Variants in SMCHD1 observed in about 807,000 individuals in gnomAD.
The protein encoded by SMCHD1 is structural maintenance of chromosomes flexible hinge domain-containing protein 1.
In SMCHD1, 78 loss-of-function variants were observed where a neutral mutation model predicts 254.7. The ratio of observed to expected loss-of-function variants is 0.31; its 90% CI spans 0.26 to 0.37. The LOEUF (loss-of-function observed/expected upper bound fraction) is 0.37. Ranked by LOEUF, SMCHD1 falls within the 10% of genes least tolerant of loss-of-function variation. The pLI is 1.00. For synonymous variants in SMCHD1, 766 were observed against 794.9 expected, an observed-to-expected ratio of 0.96 and a Z score of 0.61; for missense variants, 1,840 against 2,408.1, an observed-to-expected ratio of 0.76 and a Z score of 4.94.
At chr18:2,725,515 A>G (rs1270674343) in intron 21 of SMCHD1, among the ~76,000 whole-genome samples, 1 of 151,966 alleles carries the variant, frequency 6.6e-6, no homozygotes, top group East Asian at 1.9e-4. Context: ...GAAGCTAAAG[A>G]TAGAAACTCT....
intron 34 of SMCHD1, among the ~76,000 whole-genome samples, chr18:2,756,064 G>C (rs977436074): frequency 6.6e-6 from 1 of 152,016 alleles, no homozygotes; most frequent in African/African-American, 2.4e-5. Context: ...ATTATAAATT[G>C]ACTTCAGATT....
Position 2,724,918 on chromosome 18 carries a change from GA to G in SMCHD1, c.2625del (p.Glu876LysfsTer2). The G allele has an allele frequency of 6.3e-7, 1 of 1,582,788 alleles. No individual in the cohort carries two copies. The highest frequency in any genetic ancestry group is 8.6e-7 in the Non-Finnish European group (1 of 1,160,738). ...CCCCAGTGGTTTATCTTTACATTAT[GA>G]AGAAATAACCAAAGGACCAAATTGT... ...LEASGLSLHY[E>X]EITKGPNCVI... is the part of the protein sequence containing the mutation. On this transcript the variant is annotated frameshift_variant, in exon 21 of 48. Coordinates refer to ENST00000320876, the MANE Select transcript of SMCHD1 (RefSeq NM_015295.3). LOFTEE classifies it high-confidence loss of function.
At chr18:2,775,073 T>A (rs1048123799) in intron 41 of SMCHD1, among the ~76,000 whole-genome samples, 65 of 64,884 alleles carry the variant, frequency 1.0e-3, no homozygotes, top group African/African-American at 6.3e-3. Context: ...GAACAATTTT[T>A]TTTTTTTTTT....
chr18:2,764,884 C>T (rs767947564), intron 37 of SMCHD1, among the ~76,000 whole-genome samples: 2 of 152,106 alleles, frequency 1.3e-5, no homozygotes, highest in African/African-American at 2.4e-5. Flanking sequence ...TAAGAAATTA[C>T]TAGAAGCAGA....
intron 28 of SMCHD1, among the ~76,000 whole-genome samples, chr18:2,743,185 T>G (rs1165075164): frequency 6.6e-6 from 1 of 152,192 alleles, no homozygotes; most frequent in African/African-American, 2.4e-5. Context: ...CTCATTAATA[T>G]GATGTGTTAC....
At chr18:2,794,191 A>T (rs1267816566) in intron 45 of SMCHD1, among the ~76,000 whole-genome samples, 2 of 152,072 alleles carry the variant, frequency 1.3e-5, no homozygotes, top group Non-Finnish European at 2.9e-5. Flanking sequence ...CAGTGGGCTC[A>T]CTCCTGTAAT....
intron 25 of SMCHD1, among the ~76,000 whole-genome samples, chr18:2,734,796 G>A (rs553074512): frequency 5.9e-5 from 9 of 152,086 alleles, no homozygotes; most frequent in East Asian, 5.8e-4. Flanking sequence ...CGGGCCAGGC[G>A]TGGTGGCTCA....
At chr18:2,673,257 C>A in intron 3 of SMCHD1, 24 bp from the exon 4 acceptor site, 1 of 1,565,412 alleles carries the variant, frequency 6.4e-7, no homozygotes. Flanking sequence ...AAAAGTTAAG[C>A]AATGTTTTCT....
At chr18:2,760,280 A>T (rs2075763126) in intron 34 of SMCHD1, 1 of 165,692 alleles carries the variant, frequency 6.0e-6, no homozygotes, top group African/African-American at 2.4e-5. Context: ...GATCAGCAGG[A>T]TGTTCTATAA....
At chr18:2,743,185 T>C (rs1165075164) in intron 28 of SMCHD1, among the ~76,000 whole-genome samples, 2 of 152,192 alleles carry the variant, frequency 1.3e-5, no homozygotes, top group African/African-American at 4.8e-5. Context: ...CTCATTAATA[T>C]GATGTGTTAC....
rs1266130891 is a variant in SMCHD1, at chr18:2,738,381, T to C, written c.3277-16T>C. ...GACGAAGCTTTATTATTGTTAAATA[T>C]CTCTTTTTCTCCTAGGTTAATTGGA... On this transcript the variant is annotated splice_polypyrimidine_tract_variant and intron_variant, in intron 25 of 47. Coordinates refer to ENST00000320876, the MANE Select transcript of SMCHD1 (RefSeq NM_015295.3). 6.4e-7 allele frequency: 1 copy of C among 1,562,526 alleles called. No individual in the cohort carries two copies. The highest frequency in any genetic ancestry group is 8.7e-7 in the Non-Finnish European group (1 of 1,154,254).
In SMCHD1 at chr18:2,789,758, A is replaced by G. The variant is rs530779359; in HGVS notation, c.5719+5137A>G. 6.6e-5 allele frequency among the ~76,000 whole-genome samples: 10 copies of G among 152,340 alleles called. 1 individual carries two copies. The East Asian group carries it at 1.9e-3, about 29-fold the overall frequency. ...TTTATTGGGACATAACTTCATCGTAAGTTGAGGAGCATCTGTATTATTTCA... is the reference window on the plus strand; with the variant it reads ...TTTATTGGGACATAACTTCATCGTAGGTTGAGGAGCATCTGTATTATTTCA... On this transcript the variant is annotated intron_variant, in intron 45 of 47. Transcript: ENST00000320876.
In SMCHD1 at chr18:2,727,462, C is replaced by T. The variant is rs2075047421; in HGVS notation, c.2773+938C>T. ...GAAAAAAATCATACGTATCAACAAA[C>T]ATTCATTTATTTGAGAGATTAGATT... On this transcript the variant is annotated intron_variant, in intron 22 of 47. Transcript: ENST00000320876. 2.6e-5 allele frequency among the ~76,000 whole-genome samples: 4 copies of T among 152,136 alleles called. 1 individual carries two copies. In the South Asian group the frequency reaches 8.3e-4, roughly 32 times the overall value.
intron 44 of SMCHD1, among the ~76,000 whole-genome samples, chr18:2,780,238 TAAAAAAAAAA>T (rs56804553): frequency 2.9e-3 from 201 of 69,364 alleles, no homozygotes; most frequent in African/African-American, 0.014. Flanking sequence ...AGACTCTATC[TAAAAAAAAAA>T]AAAAAAAAAA....
chr18:2,655,969 C>A lies in SMCHD1; in HGVS notation c.-107C>A. 1.1e-6 allele frequency: 1 copy of A among 916,920 alleles called. No homozygotes were observed. The highest frequency in any genetic ancestry group is 1.4e-6 in the Non-Finnish European group (1 of 700,392). 56.8% of individuals were successfully genotyped at this position (916,920 alleles called of 1,614,324 possible). The stretch of plus-strand genomic sequence containing the variant: ...GGAGCTGCAGCGCGCCGGGCCGAGG[C>A]CTCGAGCCGCCCCGGGAGCTGGAGC... On this transcript the variant is annotated 5_prime_UTR_variant, in exon 1 of 48. Coordinates refer to ENST00000320876, the MANE Select transcript of SMCHD1 (RefSeq NM_015295.3).
chr18:2,741,465 C>T (rs1167808831), intron 28 of SMCHD1, among the ~76,000 whole-genome samples: 1 of 152,116 alleles, frequency 6.6e-6, no homozygotes, highest in African/African-American at 2.4e-5. Context: ...AAAACTTTTC[C>T]TCCTTTGAGA....
At chr18:2,796,338 A>G in intron 46 of SMCHD1, 69 bp from the exon 47 acceptor site, 3 of 1,016,452 alleles carry the variant, frequency 3.0e-6, no homozygotes, top group Non-Finnish European at 4.3e-6. Context: ...TGACATATTC[A>G]TGTTTGCATT....
At chr18:2,729,862 A>G (rs766031797) in intron 24 of SMCHD1, among the ~76,000 whole-genome samples, 12 of 151,792 alleles carry the variant, frequency 7.9e-5, no homozygotes, top group African/African-American at 2.4e-4. Context: ...ACAAGGACCA[A>G]TGCACCTGGT....
chr18:2,741,401 A>C (rs974257157), intron 28 of SMCHD1, among the ~76,000 whole-genome samples: 3 of 150,354 alleles, frequency 2.0e-5, no homozygotes, highest in African/African-American at 7.3e-5. Context: ...GTGAGAGAGA[A>C]GATCTCTCAG....
Sources: allele counts gnomAD v4.1 joint callset (sites outside exome capture counted in the v4.1 genomes callset), GRCh38; gene constraint gnomAD v4.1.1; transcripts MANE v1.5; gene names NCBI Gene and HGNC (gene_info 2026-07-23, HGNC 2026-07-21).